Variants in KCNQ5 observed in about 807,000 individuals in gnomAD.
KCNQ5 encodes the protein potassium voltage-gated channel subfamily KQT member 5.
In KCNQ5, 30 loss-of-function variants were observed where a neutral mutation model predicts 98.2. The ratio of observed to expected loss-of-function variants is 0.31; its 90% CI spans 0.23 to 0.41. KCNQ5 has a LOEUF of 0.41. Among genes scored for constraint, KCNQ5 ranks in the 10% least tolerant of loss-of-function variants. KCNQ5 has a pLI of 1.00. For missense variants in KCNQ5, 835 were observed against 1,182.5 expected (o/e 0.71, Z 4.31); for synonymous variants, 458 against 449.4 (o/e 1.02, Z -0.24).
At chr6:72,857,305 G>A (rs1449344725) in intron 1 of KCNQ5, among the ~76,000 whole-genome samples, 2 of 151,486 alleles carry the variant, frequency 1.3e-5, no homozygotes, top group Non-Finnish European at 2.9e-5. Flanking sequence ...ATTTATAACT[G>A]GCAATGAGAG....
chr6:72,903,439 C>CT (rs1336377426), intron 1 of KCNQ5, among the ~76,000 whole-genome samples: 1 of 152,124 alleles, frequency 6.6e-6, no homozygotes, highest in Non-Finnish European at 1.5e-5. Context: ...AGTTTGTGCT[C>CT]TTACCATCTT....
chr6:72,887,694 A>G (rs1019910905), intron 1 of KCNQ5, among the ~76,000 whole-genome samples: 1 of 152,190 alleles, frequency 6.6e-6, no homozygotes, highest in African/African-American at 2.4e-5. Context: ...AAATATACTG[A>G]TTAAATTTAA....
intron 9 of KCNQ5, among the ~76,000 whole-genome samples, chr6:73,127,060 A>G (rs992542210): frequency 3.3e-5 from 5 of 152,186 alleles, no homozygotes; most frequent in African/African-American, 1.2e-4. Context: ...CCATACACAG[A>G]ATTTATAATC....
rs141548315 is a variant in KCNQ5 at position 72,956,929 on chromosome 6, C to CTAAGGTT, written c.399-46977_399-46976insAGGTTTA. ...GTATAATAGAGTTACTGTTAATAGA[C>CTAAGGTT]TATTTAAAGGTTCCTGAAAAGTAAG... On this transcript the variant is annotated intron_variant, in intron 1 of 13. Coordinates refer to ENST00000370398, the MANE Select transcript of KCNQ5 (RefSeq NM_019842.4). Among the ~76,000 whole-genome samples the CTAAGGTT allele has an allele frequency of 2.9e-3, 441 of 152,102 alleles. 5 individuals carry two copies. Among genetic ancestry groups the CTAAGGTT allele is most frequent in the East Asian group, 0.025 (127 of 5,170 alleles).
In KCNQ5 at chr6:73,194,325, C is replaced by T. The variant is rs145240573; in HGVS notation, c.1837-127C>T. 107 of 808,096 alleles carry T rather than the reference C, an allele frequency of 1.3e-4. No homozygotes were observed. In the East Asian group the frequency reaches 2.7e-3, roughly 21 times the overall value. The allele number at this position is 808,096 out of a possible 1,614,324, so 50.1% of individuals were successfully genotyped here. The stretch of plus-strand genomic sequence containing the variant: ...CATTCACTAAGGGTCAAGACTGCAT[C>T]GTACTTTATATTCAATATTTCTTTA... On this transcript the variant is annotated intron_variant, in intron 13 of 13. Transcript: ENST00000370398.
rs546631238 is a variant in KCNQ5, at chr6:72,713,321, A to G, written c.398+90734A>G. Among the ~76,000 whole-genome samples, 3 of 152,318 alleles carry G rather than the reference A, an allele frequency of 2.0e-5. No homozygotes were observed. In the South Asian group the frequency reaches 6.2e-4, roughly 32 times the overall value. ...CCTGCACCACCCTTCCCCAGCCGTC[A>G]TAAGTTCGCCTCTGAAAGGCTTTTC... On this transcript the variant is annotated intron_variant, in intron 1 of 13. Coordinates refer to ENST00000370398, the MANE Select transcript of KCNQ5 (RefSeq NM_019842.4).
intron 6 of KCNQ5, among the ~76,000 whole-genome samples, chr6:73,107,115 C>A (rs1775034096): frequency 6.6e-6 from 1 of 152,096 alleles, no homozygotes; most frequent in African/African-American, 2.4e-5. Flanking sequence ...GGTTTTTTCC[C>A]AAAATAATGG....
At chr6:73,120,816 T>C (rs1323120852) in intron 8 of KCNQ5, among the ~76,000 whole-genome samples, 3 of 152,212 alleles carry the variant, frequency 2.0e-5, no homozygotes, top group South Asian at 4.1e-4. Context: ...TTTATAGAGA[T>C]TTATTTTTAC....
At chr6:72,630,141 CTT>C (rs2098920018) in intron 1 of KCNQ5, among the ~76,000 whole-genome samples, 1 of 152,064 alleles carries the variant, frequency 6.6e-6, no homozygotes, top group African/African-American at 2.4e-5. Flanking sequence ...TTCTATTTCC[CTT>C]TGTTTTGATC....
At chr6:72,952,210 A>C (rs1314810926) in intron 1 of KCNQ5, among the ~76,000 whole-genome samples, 2 of 152,046 alleles carry the variant, frequency 1.3e-5, no homozygotes, top group Non-Finnish European at 2.9e-5. Flanking sequence ...TTCAAAGAAA[A>C]CTCTCCAAGA....
At chr6:72,972,546 A>C (rs1456896570) in intron 1 of KCNQ5, among the ~76,000 whole-genome samples, 1 of 140,000 alleles carries the variant, frequency 7.1e-6, no homozygotes, top group Non-Finnish European at 1.5e-5. Context: ...CTCTGTGTTC[A>C]TGTGTTCTCA....
intron 5 of KCNQ5, among the ~76,000 whole-genome samples, chr6:73,100,770 C>A (rs1774741425): frequency 6.6e-6 from 1 of 150,804 alleles, no homozygotes; most frequent in Non-Finnish European, 1.5e-5. Flanking sequence ...GGAGAGAAGA[C>A]CCAAATAAAT....
chr6:73,191,106 T>G (rs1208311074), intron 12 of KCNQ5, among the ~76,000 whole-genome samples: 1 of 152,246 alleles, frequency 6.6e-6, no homozygotes, highest in Non-Finnish European at 1.5e-5. Flanking sequence ...ATTATCTAAA[T>G]TCTAATCATC....
chr6:73,158,047 C>T (rs1166171106), intron 10 of KCNQ5: 55 of 649,038 alleles, frequency 8.5e-5, no homozygotes, highest in South Asian at 6.8e-4. Flanking sequence ...CTGATAGTGT[C>T]CGGACCTCCT....
chr6:73,051,860 T>G (rs1413901507), intron 3 of KCNQ5, among the ~76,000 whole-genome samples: 1 of 152,046 alleles, frequency 6.6e-6, no homozygotes, highest in Non-Finnish European at 1.5e-5. Flanking sequence ...TCCAAACAAC[T>G]GCAGTAGTTC....
intron 1 of KCNQ5, among the ~76,000 whole-genome samples, chr6:72,805,924 G>A (rs577202676): frequency 1.2e-4 from 18 of 152,014 alleles, no homozygotes; most frequent in Admixed American, 2.0e-4. Flanking sequence ...ATTTGTAGCT[G>A]TTGTAAATGG....
At chr6:73,002,004 G>T (rs867219884) in intron 1 of KCNQ5, among the ~76,000 whole-genome samples, 1 of 684 alleles carries the variant, frequency 1.5e-3, no homozygotes, top group Non-Finnish European at 0.028. Context: ...TGCGCCTATA[G>T]TCCCAGCTCT....
At chr6:72,842,370 A>G (rs141468469) in intron 1 of KCNQ5, among the ~76,000 whole-genome samples, 3 of 152,354 alleles carry the variant, frequency 2.0e-5, no homozygotes, top group East Asian at 1.9e-4. Context: ...GTTGACAACT[A>G]TGATTCATTG....
chr6:72,847,480 G>A (rs188875219), intron 1 of KCNQ5, among the ~76,000 whole-genome samples: 7 of 152,306 alleles, frequency 4.6e-5, no homozygotes, highest in Non-Finnish European at 1.0e-4. Context: ...TATGGTTGTG[G>A]TGGTGATTGG....
Sources: allele counts gnomAD v4.1 joint callset (sites outside exome capture counted in the v4.1 genomes callset), GRCh38; gene constraint gnomAD v4.1.1; transcripts MANE v1.5; gene names NCBI Gene and HGNC (gene_info 2026-07-23, HGNC 2026-07-21).